Variants in ZFAT observed in about 807,000 individuals in gnomAD.
ZFAT encodes the protein zinc finger protein ZFAT.
Under a neutral mutation model 117.7 loss-of-function variants are expected in ZFAT, and 64 were observed. That is an observed-to-expected ratio of 0.54 (90% CI 0.44 to 0.67). The LOEUF (loss-of-function observed/expected upper bound fraction) is 0.67. Among genes scored for constraint, ZFAT ranks in the 30% least tolerant of loss-of-function variants. ZFAT has a pLI of 0.00. For synonymous variants in ZFAT, 679 were observed against 615.0 expected (o/e 1.10, Z -1.54); for missense variants, 1,433 against 1,584.5 (o/e 0.90, Z 1.62).
intron 2 of ZFAT, among the ~76,000 whole-genome samples, chr8:134,645,355 G>A (rs1830822988): frequency 6.6e-6 from 1 of 152,068 alleles, no homozygotes; most frequent in Admixed American, 6.5e-5. Flanking sequence ...CTTTCACAAA[G>A]AGAAAAAGAA....
intron 5 of ZFAT, among the ~76,000 whole-genome samples, chr8:134,603,433 A>C (rs918108216): frequency 2.6e-5 from 4 of 152,242 alleles, no homozygotes; most frequent in Non-Finnish European, 5.9e-5. Context: ...TAATGGAATG[A>C]ATTCAGTCTG....
chr8:134,613,178 T>C (rs1828465459), intron 3 of ZFAT, among the ~76,000 whole-genome samples: 1 of 152,142 alleles, frequency 6.6e-6, no homozygotes, highest in Admixed American at 6.5e-5. Context: ...AATATGTGGG[T>C]GATATGCCAG....
intron 2 of ZFAT, among the ~76,000 whole-genome samples, chr8:134,653,881 T>C (rs1252565807): frequency 1.3e-5 from 2 of 152,220 alleles, no homozygotes; most frequent in Non-Finnish European, 2.9e-5. Flanking sequence ...AGTGTATTTA[T>C]GTTTACATAT....
At chr8:134,777,324 G>A in the ZFAT span, among the ~76,000 whole-genome samples, 1 of 152,168 alleles carries the variant, frequency 6.6e-6, no homozygotes, top group Non-Finnish European at 1.5e-5. Flanking sequence ...GGGAGGAAAT[G>A]AACAACTCAG....
chr8:134,593,780 T>A (rs1246507249), intron 7 of ZFAT, among the ~76,000 whole-genome samples: 39 of 152,346 alleles, frequency 2.6e-4, no homozygotes, highest in Non-Finnish European at 2.9e-5. Flanking sequence ...GCCACAGTTA[T>A]GGCATGTGCT....
chr8:134,672,200 A>T (rs958922136), intron 1 of ZFAT, among the ~76,000 whole-genome samples: 2 of 152,250 alleles, frequency 1.3e-5, no homozygotes, highest in African/African-American at 4.8e-5. Flanking sequence ...TATAGATTCA[A>T]TGCCATCCCC....
In ZFAT at chr8:134,520,752, G is replaced by A. The variant is rs556081999; in HGVS notation, c.3234+131C>T. On this transcript the variant is annotated intron_variant, in intron 13 of 15. Transcript: ENST00000377838. Reference sequence around the variant, plus strand: ...CAGACGCGAGACATCATTTGAAAACGTTTCAGAAGTTCCCCAAACAGAAAA... The same window carrying A: ...CAGACGCGAGACATCATTTGAAAACATTTCAGAAGTTCCCCAAACAGAAAA... 2.5e-4 allele frequency: 177 copies of A among 699,916 alleles called. No homozygotes were observed. In the South Asian group the frequency reaches 3.1e-3, roughly 12 times the overall value. 43.4% of individuals were successfully genotyped at this position (699,916 alleles called of 1,614,324 possible).
At chr8:134,727,632 T>C in the ZFAT span, among the ~76,000 whole-genome samples, 1 of 152,232 alleles carries the variant, frequency 6.6e-6, no homozygotes, top group African/African-American at 2.4e-5. Context: ...AATAGGGCTT[T>C]TTTTTGAGAA....
chr8:134,782,419 T>C, the ZFAT span, among the ~76,000 whole-genome samples: 1 of 152,244 alleles, frequency 6.6e-6, no homozygotes, highest in Non-Finnish European at 1.5e-5. Context: ...TCTTTAAGAA[T>C]TCACCACGAC....
At chr8:134,713,642 C>T (rs1371694267), upstream of ZFAT, among the ~76,000 whole-genome samples, 1 of 152,132 alleles carries the variant, frequency 6.6e-6, no homozygotes, top group African/African-American at 2.4e-5. Flanking sequence ...GCCTCCAACA[C>T]CCGCTCATTC....
chr8:134,697,714 G>A (rs868303044), intron 1 of ZFAT, among the ~76,000 whole-genome samples: 13 of 149,600 alleles, frequency 8.7e-5, no homozygotes, highest in African/African-American at 2.7e-4. Flanking sequence ...GCGACAGAGC[G>A]AGACTCCATC....
At chr8:134,815,106 C>G in the ZFAT span, among the ~76,000 whole-genome samples, 102 of 152,244 alleles carry the variant, frequency 6.7e-4, no homozygotes, top group African/African-American at 2.3e-3. Context: ...GCAATAGATC[C>G]TTGTTAATAT....
intron 1 of ZFAT, among the ~76,000 whole-genome samples, chr8:134,683,139 G>A (rs1057178620): frequency 6.6e-6 from 1 of 152,212 alleles, no homozygotes; most frequent in African/African-American, 2.4e-5. Flanking sequence ...TATGTGAAAT[G>A]AGCCCCCTTA....
chr8:134,621,769 G>C (rs1372751267), intron 3 of ZFAT, among the ~76,000 whole-genome samples: 1 of 152,158 alleles, frequency 6.6e-6, no homozygotes, highest in East Asian at 1.9e-4. Flanking sequence ...TATTCTTCTA[G>C]TCCCAGCCAC....
Position 134,601,837 on chromosome 8 carries a change from C to T in ZFAT, c.1882G>A (p.Gly628Ser). ...GACAGCAGTAGTGTGATCACTTCACCTTGCGTCTGGACTGAGCTTCTGTGC... is the reference window on the plus strand; with the variant it reads ...GACAGCAGTAGTGTGATCACTTCACTTTGCGTCTGGACTGAGCTTCTGTGC... ...MQHRSSVQTQ[G>S]EVITLLLSKA... Residue 628 changes from glycine to serine, a missense_variant, in exon 6 of 16, where the codon GGT becomes AGT. Physicochemically the swap from Gly to Ser is moderately conservative, Grantham distance 56. Transcript: ENST00000377838. 3.7e-6 allele frequency: 6 copies of T among 1,613,016 alleles called. No homozygotes were observed. The highest frequency in any genetic ancestry group is 5.1e-6 in the Non-Finnish European group (6 of 1,179,316).
intron 3 of ZFAT, among the ~76,000 whole-genome samples, chr8:134,635,031 G>T (rs767307456): frequency 6.6e-6 from 1 of 152,220 alleles, no homozygotes; most frequent in African/African-American, 2.4e-5. Context: ...TATGAGAAGC[G>T]AGTGTCGCAG....
the ZFAT span, among the ~76,000 whole-genome samples, chr8:134,737,006 C>T: frequency 3.3e-5 from 5 of 151,954 alleles, no homozygotes; most frequent in African/African-American, 9.7e-5. Context: ...TCTGGCCAGG[C>T]GTGGTGGCTC....
At chr8:134,511,371 T>C (rs1819828865) in intron 14 of ZFAT, among the ~76,000 whole-genome samples, 2 of 152,180 alleles carry the variant, frequency 1.3e-5, no homozygotes, top group South Asian at 2.1e-4. Flanking sequence ...AGAACCTCAG[T>C]GCTGAGAGCC....
chr8:134,591,139 G>A (rs913345587), intron 7 of ZFAT, among the ~76,000 whole-genome samples: 2 of 152,308 alleles, frequency 1.3e-5, no homozygotes, highest in East Asian at 1.9e-4. Context: ...AGCACTCAAC[G>A]CAGGGATTGC....
Sources: allele counts gnomAD v4.1 joint callset (sites outside exome capture counted in the v4.1 genomes callset), GRCh38; gene constraint gnomAD v4.1.1; transcripts MANE v1.5; gene names NCBI Gene and HGNC (gene_info 2026-07-23, HGNC 2026-07-21).